The following CHD9 variants were observed in gnomAD, a reference collection of about 807,000 sequenced individuals.
The protein encoded by CHD9 is chromodomain helicase DNA binding protein 9, also known as ATP-dependent chromatin remodeler CHD9.
In CHD9, 77 loss-of-function variants were observed where a neutral mutation model predicts 316.1. The ratio of observed to expected loss-of-function variants is 0.24; its 90% CI spans 0.20 to 0.29. The LOEUF (loss-of-function observed/expected upper bound fraction) is 0.29. Among genes scored for constraint, CHD9 ranks in the 10% least tolerant of loss-of-function variants. CHD9 has a pLI of 1.00. For synonymous variants in CHD9, 1,129 were observed against 1,158.3 expected (o/e 0.97, Z 0.51); for missense variants, 2,763 against 3,438.1 (o/e 0.80, Z 4.91).
intron 1 of CHD9, among the ~76,000 whole-genome samples, chr16:53,060,221 G>A (rs2032694818): frequency 6.6e-6 from 1 of 151,166 alleles, no homozygotes; most frequent in Middle Eastern, 3.6e-3. Context: ...ACCATTCTTA[G>A]CTCACAGGCT....
At chr16:53,299,268 T>A (rs2055121977) in intron 30 of CHD9, 1 of 155,148 alleles carries the variant, frequency 6.4e-6, no homozygotes, top group East Asian at 1.9e-4. Flanking sequence ...ATTATAAAGA[T>A]GCTCTGGCAT....
chr16:53,199,665 AC>A (rs1373060151), intron 2 of CHD9, among the ~76,000 whole-genome samples: 1 of 152,106 alleles, frequency 6.6e-6, no homozygotes, highest in East Asian at 1.9e-4. Context: ...GTCTATGTAT[AC>A]CCATTATTTG....
intron 2 of CHD9, among the ~76,000 whole-genome samples, chr16:53,191,864 CTT>C (rs759902142): frequency 1.3e-5 from 2 of 152,082 alleles, no homozygotes; most frequent in Non-Finnish European, 2.9e-5. Context: ...TGGTTGTACT[CTT>C]TTACATTCCC....
At position 53,072,677 on chromosome 16, in the gene CHD9, A is replaced by G. The variant is rs763084956; in HGVS notation, c.-165+17600A>G. Among the ~76,000 whole-genome samples, 47 of 151,786 alleles carry G rather than the reference A, an allele frequency of 3.1e-4. 1 individual carries two copies. The highest frequency in any genetic ancestry group is 3.4e-3 in the Middle Eastern group (1 of 294). On this transcript the variant is annotated intron_variant, in intron 1 of 38. Coordinates refer to ENST00000447540, the MANE Select transcript of CHD9 (RefSeq NM_001308319.2). The stretch of plus-strand genomic sequence containing the variant: ...AGGTATGAGCCACTATGCCCAGCCT[A>G]TAACTTTTTATTTTTTTATTTTTTT...
rs114417721 is a variant in CHD9, at chr16:53,195,288, G to C, written c.1453-14194G>C. On this transcript the variant is annotated intron_variant, in intron 2 of 38. Coordinates refer to ENST00000447540, the MANE Select transcript of CHD9 (RefSeq NM_001308319.2). ...ATTTATAACCTCATAGGTTAGTTTT[G>C]CATGTTATTGAACTTTAATTATGTT... Among the ~76,000 whole-genome samples the C allele has an allele frequency of 3.1e-3, 473 of 152,228 alleles. 7 individuals carry two copies. The highest frequency in any genetic ancestry group is 0.011 in the African/African-American group (458 of 41,540).
chr16:53,298,178 C>A (rs1244527498), intron 30 of CHD9: 2 of 152,336 alleles, frequency 1.3e-5, no homozygotes, highest in Admixed American at 6.5e-5. Context: ...CATGAGGCGG[C>A]AGTGGCCAGG....
At chr16:53,131,092 C>CGCCCGCCGCTGCCACCCACG (rs1431123688) in intron 1 of CHD9, 1 of 153,122 alleles carries the variant, frequency 6.5e-6, no homozygotes, top group Non-Finnish European at 1.4e-5. Context: ...TGCCACCCAC[C>CGCCCGCCGCTGCCACCCACG]GCCTCGGGCG....
At chr16:53,265,602 G>A (rs1331160950) in intron 20 of CHD9, among the ~76,000 whole-genome samples, 1 of 152,080 alleles carries the variant, frequency 6.6e-6, no homozygotes, top group Non-Finnish European at 1.5e-5. Context: ...TTAGCATTTG[G>A]GAAGAGCGTT....
intron 4 of CHD9, 147 bp from the exon 5 acceptor site, chr16:53,226,219 T>A: frequency 2.0e-6 from 1 of 495,994 alleles, no homozygotes; most frequent in Non-Finnish European, 3.4e-6. Context: ...AATCTTCCTC[T>A]AATTAAAAAC....
intron 1 of CHD9, among the ~76,000 whole-genome samples, chr16:53,080,939 G>C (rs2152534379): frequency 6.6e-6 from 1 of 152,320 alleles, no homozygotes. Context: ...ATGTCTGTCT[G>C]GTTGGGTTTT....
At chr16:53,233,535 A>C (rs1225670585) in intron 10 of CHD9, among the ~76,000 whole-genome samples, 1 of 152,130 alleles carries the variant, frequency 6.6e-6, no homozygotes, top group Admixed American at 6.5e-5. Flanking sequence ...TGGAGTCTTC[A>C]CTATGTAGGC....
chr16:53,115,455 T>G (rs1006901883), intron 1 of CHD9, among the ~76,000 whole-genome samples: 5 of 152,252 alleles, frequency 3.3e-5, no homozygotes, highest in Admixed American at 1.3e-4. Context: ...TTGGTGAATC[T>G]CCTAATCTTA....
At chr16:53,115,535 A>G (rs759048367) in intron 1 of CHD9, among the ~76,000 whole-genome samples, 29 of 152,362 alleles carry the variant, frequency 1.9e-4, no homozygotes, top group Non-Finnish European at 4.1e-4. Flanking sequence ...ACCTAAAAAT[A>G]TGGAGCTGGG....
intron 1 of CHD9, among the ~76,000 whole-genome samples, chr16:53,086,619 T>C (rs2152544147): frequency 6.6e-6 from 1 of 152,274 alleles, no homozygotes; most frequent in Non-Finnish European, 1.5e-5. Flanking sequence ...AGGAAAAAAA[T>C]CATTTGTGAG....
At chr16:53,080,685 A>C (rs1268349811) in intron 1 of CHD9, among the ~76,000 whole-genome samples, 1 of 152,226 alleles carries the variant, frequency 6.6e-6, no homozygotes, top group African/African-American at 2.4e-5. Context: ...ACTCTCTGCA[A>C]ATGCGCACAG....
chr16:53,256,081 T>C (rs2152978907), intron 19 of CHD9, among the ~76,000 whole-genome samples: 1 of 152,274 alleles, frequency 6.6e-6, no homozygotes, highest in South Asian at 2.1e-4. Flanking sequence ...GAACAAAATG[T>C]AAGTAATGTA....
intron 4 of CHD9, among the ~76,000 whole-genome samples, chr16:53,224,147 G>C (rs2047460071): frequency 6.6e-6 from 1 of 152,138 alleles, no homozygotes; most frequent in Non-Finnish European, 1.5e-5. Flanking sequence ...GGGCTGATCT[G>C]TTGAAGCCTT....
chr16:53,191,470 G>A (rs1286756930), intron 2 of CHD9, among the ~76,000 whole-genome samples: 3 of 152,026 alleles, frequency 2.0e-5, no homozygotes, highest in African/African-American at 7.2e-5. Context: ...CCTCTGATTT[G>A]TTTTTTGCTC....
intron 22 of CHD9, among the ~76,000 whole-genome samples, chr16:53,269,318 C>G (rs2051997212): frequency 6.6e-6 from 1 of 151,986 alleles, no homozygotes; most frequent in African/African-American, 2.4e-5. Flanking sequence ...CAATTTTATT[C>G]TACTTAATCA....
Sources: allele counts gnomAD v4.1 joint callset (sites outside exome capture counted in the v4.1 genomes callset), GRCh38; gene constraint gnomAD v4.1.1; transcripts MANE v1.5; gene names NCBI Gene and HGNC (gene_info 2026-07-23, HGNC 2026-07-21).